The following RND1 variants were observed in gnomAD, a reference collection of about 807,000 sequenced individuals.
RND1 encodes Rho family GTPase 1.
RND1 carries 9 observed loss-of-function variants against 27.1 expected under a neutral mutation model. The observed-to-expected ratio is 0.33, with a 90% CI of 0.20 to 0.58. The LOEUF (loss-of-function observed/expected upper bound fraction) is 0.58. Among genes scored for constraint, RND1 ranks in the 20% least tolerant of loss-of-function variants. RND1 has a pLI of 0.86. For missense variants in RND1, 253 were observed against 292.2 expected, an observed-to-expected ratio of 0.87 and a Z score of 0.98; for synonymous variants, 108 against 115.7, an observed-to-expected ratio of 0.93 and a Z score of 0.43.
intron 2 of RND1, among the ~76,000 whole-genome samples, chr12:48,862,454 C>T (rs1378498597): frequency 6.6e-6 from 1 of 152,164 alleles, no homozygotes; most frequent in Non-Finnish European, 1.5e-5. Context: ...AGAGACAGCA[C>T]TTATTTCAGG....
In RND1 at chr12:48,861,081, A is replaced by G. The variant is rs1224017554; in HGVS notation, c.369T>C (p.Ile123=). 1 of 1,614,070 alleles carries G rather than the reference A, an allele frequency of 6.2e-7. No individual in the cohort carries two copies. Among genetic ancestry groups the G allele is most frequent in the African/African-American group, 1.3e-5 (1 of 75,040 alleles). ...DYCPSTRVLL[I]GCKTDLRTDL... is the part of the protein sequence containing the mutation. ...CTGTTCGCAGGTCTGTCTTGCAGCCAATGAGCAAAACGCGGGTGCTGGGAC... is the reference window on the plus strand; with the variant it reads ...CTGTTCGCAGGTCTGTCTTGCAGCCGATGAGCAAAACGCGGGTGCTGGGAC... The change falls in exon 4 of 5, where the codon ATT becomes ATC. Residue 123 remains isoleucine (I), a synonymous_variant. Transcript: ENST00000309739.
rs947062327 is a variant in RND1 at position 48,864,645 on chromosome 12, C to T, written c.208+138G>A. Reference sequence around the variant, plus strand: ...TGCAACTGAGTCCACCAACTGTCAGCCCTCCCCACAACTAATGAGTCTTCA... The same window carrying T: ...TGCAACTGAGTCCACCAACTGTCAGTCCTCCCCACAACTAATGAGTCTTCA... On this transcript the variant is annotated intron_variant, in intron 2 of 4. Coordinates refer to ENST00000309739, the MANE Select transcript of RND1 (RefSeq NM_014470.4). 3 of 711,514 alleles carry T rather than the reference C, an allele frequency of 4.2e-6. No homozygotes were observed. In the African/African-American group the frequency reaches 5.2e-5, roughly 12 times the overall value. 44.1% of individuals were successfully genotyped at this position (711,514 alleles called of 1,614,324 possible). A position where few individuals can be genotyped will look rare whatever the true frequency, so the allele number is the denominator to read the frequency against.
rs115891733 is a variant in RND1 at position 48,861,222 on chromosome 12, G to A, written c.319-91C>T. 3.3e-4 allele frequency: 422 copies of A among 1,295,428 alleles called. 1 individual carries two copies. The African/African-American group carries it at 5.4e-3, about 17-fold the overall frequency. The allele number at this position is 1,295,428 out of a possible 1,614,324, so 80.2% of individuals were successfully genotyped here. On this transcript the variant is annotated intron_variant, in intron 3 of 4. Transcript: ENST00000309739. ...TACCAGGAGAAGCTTGGCTGGCAAC[G>A]TCACACACATCACCTCACTCATCAC...
rs1404086395 is a variant in RND1 at position 48,857,739 on chromosome 12, G to GT, written c.*256_*257insA. 23 of 345,958 alleles carry GT rather than the reference G, an allele frequency of 6.6e-5. No individual in the cohort carries two copies. The highest frequency in any genetic ancestry group is 1.1e-4 in the Non-Finnish European group (21 of 192,564). The allele number at this position is 345,958 out of a possible 1,614,324, so 21.4% of individuals were successfully genotyped here. On this transcript the variant is annotated 3_prime_UTR_variant, in exon 5 of 5. Coordinates refer to ENST00000309739, the MANE Select transcript of RND1 (RefSeq NM_014470.4). ...CCCCCACAGCTTTCCTTCCTCTGGAGCGGGGGGGGCACTGGGGTAGTCGCC... is the reference window on the plus strand; with the variant it reads ...CCCCCACAGCTTTCCTTCCTCTGGAGTCGGGGGGGGCACTGGGGTAGTCGCC...
chr12:48,862,878 G>A (rs751102502), intron 2 of RND1, among the ~76,000 whole-genome samples: 11 of 152,036 alleles, frequency 7.2e-5, no homozygotes, highest in African/African-American at 1.7e-4. Context: ...GAGCAGTAGC[G>A]GATTTGGAAC....
At chr12:48,860,571 T>C (rs2137507739) in intron 4 of RND1, among the ~76,000 whole-genome samples, 1 of 149,142 alleles carries the variant, frequency 6.7e-6, no homozygotes, top group East Asian at 2.0e-4. Flanking sequence ...TTTTTTTTTT[T>C]TTTTTTTTTT....
At chr12:48,861,688 G>A (rs531659395) in intron 3 of RND1, among the ~76,000 whole-genome samples, 17 of 152,274 alleles carry the variant, frequency 1.1e-4, no homozygotes, top group African/African-American at 2.9e-4. Context: ...GCCTCCAAAA[G>A]GTCCCATGCC....
Position 48,857,411 on chromosome 12 carries a change from T to A in RND1, c.*585A>T, listed in dbSNP as rs964475627. On this transcript the variant is annotated 3_prime_UTR_variant, in exon 5 of 5. Transcript: ENST00000309739. ...ACCCTGGGGACTTAGGTGAGAAGCA[T>A]GTGAATGTATGATGTCACCTCTCCA... 4.0e-5 allele frequency: 6 copies of A among 150,594 alleles called. No homozygotes were observed. Among genetic ancestry groups the A allele is most frequent in the Non-Finnish European group, 8.9e-5 (6 of 67,700 alleles). 9.3% of individuals were successfully genotyped at this position (150,594 alleles called of 1,614,324 possible). A position where few individuals can be genotyped will look rare whatever the true frequency, so the allele number is the denominator to read the frequency against.
At chr12:48,865,390 A>C in intron 1 of RND1, 1 of 508,236 alleles carries the variant, frequency 2.0e-6, no homozygotes, top group Non-Finnish European at 3.6e-6. Flanking sequence ...GGACGCAGGA[A>C]GGTGGAGGGG....
rs2270577 is a variant in RND1 at position 48,864,860 on chromosome 12, G to C, written c.131C>G (p.Pro44Arg). 27 of 1,613,294 alleles carry C rather than the reference G, an allele frequency of 1.7e-5. No individual in the cohort carries two copies. The East Asian group carries it at 5.8e-4, about 35-fold the overall frequency. ...GGCTGTGTAATTTTCGAACACGGTG[G>C]GCACATAGGTCTGTGAAAAGAGAGG... is the stretch of plus-strand genomic sequence containing the variant. ...AKDCYPETYVPTVFENYTACL... is the reference protein window; with the variant it reads ...AKDCYPETYVRTVFENYTACL... Residue 44 changes from proline to arginine, a missense_variant, in exon 2 of 5, where the codon CCC becomes CGC. Coordinates refer to ENST00000309739, the MANE Select transcript of RND1 (RefSeq NM_014470.4).
intron 4 of RND1, 175 bp from the exon 5 acceptor site, chr12:48,858,416 C>T (rs190062034): frequency 6.7e-4 from 429 of 639,162 alleles, no homozygotes; most frequent in Middle Eastern, 2.2e-3. Flanking sequence ...TTGGCATACA[C>T]CCTGTCTGAT....
intron 3 of RND1, 98 bp downstream of exon 3, chr12:48,861,911 A>G (rs2137508635): frequency 1.3e-6 from 1 of 759,162 alleles, no homozygotes; most frequent in Non-Finnish European, 2.3e-6. Flanking sequence ...CCTGGCTTCC[A>G]TTTCTTGATG....
intron 1 of RND1, 47 bp downstream of exon 1, chr12:48,865,601 G>A: frequency 1.3e-6 from 2 of 1,572,026 alleles, no homozygotes; most frequent in Non-Finnish European, 1.7e-6. Flanking sequence ...ACCCCAAGGC[G>A]GGCAGGCAGG....
rs1164237002 is a variant in RND1, at chr12:48,857,308, C to A, written c.*688G>T. ...CCTAAGGGCAGAAAAAGTCTGGTGA[C>A]CCCCACCCAGCCCTGCCCCTGCAGC... On this transcript the variant is annotated 3_prime_UTR_variant, in exon 5 of 5. Coordinates refer to ENST00000309739, the MANE Select transcript of RND1 (RefSeq NM_014470.4). 1 of 142,546 alleles carries A rather than the reference C, an allele frequency of 7.0e-6. No individual in the cohort carries two copies. Among genetic ancestry groups the A allele is most frequent in the African/African-American group, 2.7e-5 (1 of 37,722 alleles). 8.8% of individuals were successfully genotyped at this position (142,546 alleles called of 1,614,324 possible). A position where few individuals can be genotyped will look rare whatever the true frequency, so the allele number is the denominator to read the frequency against.
intron 4 of RND1, chr12:48,858,694 A>G (rs1242336481): frequency 6.6e-6 from 1 of 152,652 alleles, no homozygotes; most frequent in South Asian, 2.0e-4. Flanking sequence ...TCTCAAAAAT[A>G]AAGATAATAA....
chr12:48,858,733 T>C (rs1161159559), intron 4 of RND1: 1 of 152,888 alleles, frequency 6.5e-6, no homozygotes, highest in Non-Finnish European at 1.5e-5. Flanking sequence ...TAAAAAATGT[T>C]TAAAAATTCA....
At chr12:48,861,875 GT>G in intron 3 of RND1, 133 bp downstream of exon 3, 1 of 681,800 alleles carries the variant, frequency 1.5e-6, no homozygotes, top group Non-Finnish European at 2.7e-6. Context: ...AGCTAATGGT[GT>G]GGCCTTGGGC....
At chr12:48,859,764 T>C (rs1220187516) in intron 4 of RND1, among the ~76,000 whole-genome samples, 5 of 152,056 alleles carry the variant, frequency 3.3e-5, no homozygotes, top group Admixed American at 2.6e-4. Context: ...GGCCCATACC[T>C]ATAGTCCCAG....
At chr12:48,865,583 G>A (rs773852554) in intron 1 of RND1, 65 bp downstream of exon 1, 1 of 1,545,594 alleles carries the variant, frequency 6.5e-7, no homozygotes, top group Admixed American at 1.9e-5. Flanking sequence ...CTGAGCAGGT[G>A]GAAATCTACC....
Sources: gnomAD v4.1 joint callset for allele counts (sites outside exome capture counted in the v4.1 genomes callset) on GRCh38, gnomAD v4.1.1 for gene constraint, MANE v1.5 for transcripts, NCBI Gene and HGNC (gene_info 2026-07-23, HGNC 2026-07-21) for gene names.